LRP1B: variants seen among roughly 807,000 people sequenced by gnomAD.
LRP1B encodes LDL receptor related protein 1B.
LRP1B carries 217 observed loss-of-function variants against 556.6 expected under a neutral mutation model. That is an observed-to-expected ratio of 0.39 (90% CI 0.35 to 0.44). The LOEUF (loss-of-function observed/expected upper bound fraction) is 0.44. Among genes scored for constraint, LRP1B ranks in the 20% least tolerant of loss-of-function variants. The pLI, the probability that LRP1B is intolerant of heterozygous loss-of-function variation, is 1.00. For synonymous variants in LRP1B, 2,047 were observed against 1,865.8 expected, an observed-to-expected ratio of 1.10 and a Z score of -2.50; for missense variants, 5,053 against 5,620.8, an observed-to-expected ratio of 0.90 and a Z score of 3.23.
At chr2:140,477,186 T>C (rs1040761371) in intron 59 of LRP1B, among the ~76,000 whole-genome samples, 1 of 152,018 alleles carries the variant, frequency 6.6e-6, no homozygotes, top group Admixed American at 6.6e-5. Flanking sequence ...ATAGTTTACC[T>C]TGTTGAAATA....
intron 62 of LRP1B, 86 bp downstream of exon 62, chr2:140,456,369 T>C (rs2105321437): frequency 5.3e-6 from 7 of 1,315,802 alleles, no homozygotes; most frequent in South Asian, 1.7e-5. Context: ...CTACAATGTA[T>C]GGAATGATCA....
chr2:141,236,780 G>A (rs1416892696), intron 5 of LRP1B, among the ~76,000 whole-genome samples: 1 of 152,166 alleles, frequency 6.6e-6, no homozygotes, highest in East Asian at 1.9e-4. Context: ...TTAGATTCAC[G>A]CAGTGCAGAA....
intron 3 of LRP1B, among the ~76,000 whole-genome samples, chr2:141,429,866 T>G (rs1680502471): frequency 6.6e-6 from 1 of 152,166 alleles, no homozygotes; most frequent in Admixed American, 6.5e-5. Context: ...GAAAAAAGCC[T>G]TAGAGAAAGA....
chr2:140,914,302 T>A (rs1323298804), intron 21 of LRP1B, among the ~76,000 whole-genome samples: 1 of 152,114 alleles, frequency 6.6e-6, no homozygotes, highest in Non-Finnish European at 1.5e-5. Context: ...GAATGGGTTA[T>A]GTTGGAGATA....
chr2:140,733,476 T>C (rs1687843986), intron 35 of LRP1B, among the ~76,000 whole-genome samples: 1 of 152,084 alleles, frequency 6.6e-6, no homozygotes, highest in Non-Finnish European at 1.5e-5. Flanking sequence ...CAAACATCTA[T>C]CATTGCAGAA....
intron 2 of LRP1B, among the ~76,000 whole-genome samples, chr2:141,561,557 T>C (rs1686153339): frequency 6.6e-6 from 1 of 151,896 alleles, no homozygotes; most frequent in Admixed American, 6.6e-5. Flanking sequence ...CTCTTTACAA[T>C]GACCTGGCCA....
At chr2:141,479,897 A>G (rs1371803203) in intron 3 of LRP1B, among the ~76,000 whole-genome samples, 2 of 152,208 alleles carry the variant, frequency 1.3e-5, no homozygotes, top group Non-Finnish European at 2.9e-5. Context: ...TTTTAAAAAG[A>G]CAAAATTACA....
chr2:140,770,633 G>T (rs1376582642), intron 34 of LRP1B, among the ~76,000 whole-genome samples: 2 of 151,942 alleles, frequency 1.3e-5, no homozygotes, highest in Admixed American at 6.6e-5. Context: ...TTGGTTAAAG[G>T]TTTGATAATA....
intron 41 of LRP1B, among the ~76,000 whole-genome samples, chr2:140,696,256 G>A (rs1686426171): frequency 6.6e-6 from 1 of 151,910 alleles, no homozygotes; most frequent in African/African-American, 2.4e-5. Context: ...GATTTGTTTT[G>A]TCTGTTTTCT....
At chr2:141,119,060 G>A (rs1329668479) in intron 7 of LRP1B, among the ~76,000 whole-genome samples, 1 of 151,954 alleles carries the variant, frequency 6.6e-6, no homozygotes, top group South Asian at 2.1e-4. Flanking sequence ...GACAAGAAGA[G>A]AGAAAATTAC....
chr2:141,448,562 G>A (rs980898893), intron 3 of LRP1B, among the ~76,000 whole-genome samples: 1 of 151,032 alleles, frequency 6.6e-6, no homozygotes, highest in Non-Finnish European at 1.5e-5. Flanking sequence ...TGTGGGTTGC[G>A]AAGACCATGG....
At chr2:141,240,952 C>A (rs1683847378) in intron 5 of LRP1B, among the ~76,000 whole-genome samples, 1 of 152,068 alleles carries the variant, frequency 6.6e-6, no homozygotes, top group Admixed American at 6.6e-5. Context: ...ATCAATCTTG[C>A]AACTCTGTTT....
chr2:141,337,398 G>A (rs578042770), intron 3 of LRP1B, among the ~76,000 whole-genome samples: 22 of 152,100 alleles, frequency 1.4e-4, no homozygotes, highest in Non-Finnish European at 3.1e-4. Context: ...TAACATTTTA[G>A]TGATTTATTA....
At chr2:141,235,265 C>A (rs1683609841) in intron 5 of LRP1B, among the ~76,000 whole-genome samples, 1 of 151,624 alleles carries the variant, frequency 6.6e-6, no homozygotes, top group South Asian at 2.1e-4. Flanking sequence ...ATTAATTTAT[C>A]TAGTATTTAT....
At chr2:141,926,383 C>G (rs564566200) in intron 1 of LRP1B, among the ~76,000 whole-genome samples, 1 of 152,230 alleles carries the variant, frequency 6.6e-6, no homozygotes, top group Non-Finnish European at 1.5e-5. Flanking sequence ...GAAGGTCTGA[C>G]TTTTTTCCCC....
intron 3 of LRP1B, among the ~76,000 whole-genome samples, chr2:141,372,997 A>G (rs1205032308): frequency 2.0e-5 from 3 of 152,022 alleles, no homozygotes; most frequent in Non-Finnish European, 4.4e-5. Context: ...TGATGTATGC[A>G]TTTATTGCTA....
intron 89 of LRP1B, among the ~76,000 whole-genome samples, chr2:140,235,761 T>G (rs1483258680): frequency 6.6e-6 from 1 of 150,998 alleles, no homozygotes; most frequent in East Asian, 2.0e-4. Flanking sequence ...TCTCTTTAAG[T>G]GTACAAAATT....
chr2:141,051,228 A>G (rs1447948072), intron 10 of LRP1B, among the ~76,000 whole-genome samples: 1 of 152,142 alleles, frequency 6.6e-6, no homozygotes, highest in Non-Finnish European at 1.5e-5. Context: ...GCGATCCCTC[A>G]AGCATATACA....
intron 7 of LRP1B, among the ~76,000 whole-genome samples, chr2:141,160,250 T>C (rs1272049925): frequency 6.6e-6 from 1 of 152,110 alleles, no homozygotes; most frequent in East Asian, 1.9e-4. Flanking sequence ...AAAGTAAAAA[T>C]TACTGACAAT....
Sources: allele counts gnomAD v4.1 joint callset (sites outside exome capture counted in the v4.1 genomes callset), GRCh38; gene constraint gnomAD v4.1.1; transcripts MANE v1.5; gene names NCBI Gene and HGNC (gene_info 2026-07-23, HGNC 2026-07-21).